Variants in RPH3A observed in about 807,000 individuals in gnomAD.
RPH3A encodes rabphilin-3A.
Under a neutral mutation model 102.2 loss-of-function variants are expected in RPH3A, and 48 were observed. The observed-to-expected ratio is 0.47, with a 90% confidence interval of 0.37 to 0.60. The LOEUF (loss-of-function observed/expected upper bound fraction) is 0.60. RPH3A is among the 20% of genes least tolerant of loss of function. RPH3A has a pLI of 0.00. For synonymous variants in RPH3A, 310 were observed against 324.3 expected (o/e 0.96, Z 0.47); for missense variants, 781 against 910.1 (o/e 0.86, Z 1.83).
chr12:112,728,872 C>T (rs1036979591), intron 1 of RPH3A, among the ~76,000 whole-genome samples: 4 of 152,074 alleles, frequency 2.6e-5, no homozygotes, highest in African/African-American at 9.7e-5. Flanking sequence ...ATACTAGAAG[C>T]AAGGGGAGAA....
At chr12:112,843,565 A>G (rs1433175017) in intron 4 of RPH3A, among the ~76,000 whole-genome samples, 2 of 152,188 alleles carry the variant, frequency 1.3e-5, no homozygotes, top group Non-Finnish European at 2.9e-5. Flanking sequence ...TCCTGTGCAC[A>G]GTAACACCGG....
chr12:112,874,693 T>A, intron 10 of RPH3A: 1 of 175,010 alleles, frequency 5.7e-6, no homozygotes, highest in Non-Finnish European at 1.2e-5. Context: ...GAGTCTTTAG[T>A]ACATGCCAAG....
chr12:112,834,395 G>A (rs554225864), intron 3 of RPH3A, among the ~76,000 whole-genome samples: 2 of 152,290 alleles, frequency 1.3e-5, no homozygotes, highest in East Asian at 3.9e-4. Flanking sequence ...ATGGACCATG[G>A]GTTTGGGCTA....
chr12:112,876,733 G>A lies in RPH3A; in HGVS notation c.1038G>A (p.Glu346=), dbSNP rs2042808103. The change falls in exon 13 of 22, where the codon GAG becomes GAA. Residue 346 remains glutamate (E), a synonymous_variant. Transcript: ENST00000389385. Reference sequence around the variant, plus strand: ...GCTACCCAGCAGTTGGAGCCAGAGAGGACCGAATGAGCCACCCCTCCGGAC... The same window carrying A: ...GCTACCCAGCAGTTGGAGCCAGAGAAGACCGAATGAGCCACCCCTCCGGAC... ...VGGYPAVGAR[E]DRMSHPSGPY... 1 of 1,613,262 alleles carries A rather than the reference G, an allele frequency of 6.2e-7. No individual in the cohort carries two copies. Among genetic ancestry groups the A allele is most frequent in the Admixed American group, 1.7e-5 (1 of 59,914 alleles).
chr12:112,863,705 T>C (rs1241776393), intron 5 of RPH3A, among the ~76,000 whole-genome samples: 2 of 152,242 alleles, frequency 1.3e-5, no homozygotes, highest in Admixed American at 6.5e-5. Flanking sequence ...TCTTCACCTG[T>C]AAAATGGCAT....
At chr12:112,839,972 G>T (rs952981791) in intron 4 of RPH3A, among the ~76,000 whole-genome samples, 14 of 152,062 alleles carry the variant, frequency 9.2e-5, no homozygotes, top group African/African-American at 3.4e-4. Context: ...CTGGGCAACC[G>T]AGTGAGACAC....
chr12:112,830,309 T>A (rs557619383), intron 3 of RPH3A, among the ~76,000 whole-genome samples: 1 of 152,290 alleles, frequency 6.6e-6, no homozygotes, highest in South Asian at 2.1e-4. Flanking sequence ...GAGGTATATT[T>A]AAAAATTTCT....
intron 1 of RPH3A, among the ~76,000 whole-genome samples, chr12:112,587,470 C>G (rs1260193419): frequency 6.6e-6 from 1 of 152,094 alleles, no homozygotes; most frequent in African/African-American, 2.4e-5. Context: ...CCTCTCTAAG[C>G]CTTAGAGTTA....
chr12:112,733,869 G>C (rs2040650596), intron 1 of RPH3A, among the ~76,000 whole-genome samples: 1 of 152,150 alleles, frequency 6.6e-6, no homozygotes, highest in Non-Finnish European at 1.5e-5. Flanking sequence ...ATAATTTCTA[G>C]CAAAGAATAG....
rs115380318 is a variant in RPH3A at position 112,706,401 on chromosome 12, G to T, written c.-139-85742G>T. On this transcript the variant is annotated intron_variant, in intron 1 of 21. Transcript: ENST00000543106. ...AGCCCCAGTCGCCCACACAGAACAG[G>T]TTCAAGGATGCACTCTTCAATGTCT... 2.5e-3 allele frequency among the ~76,000 whole-genome samples: 382 copies of T among 152,178 alleles called. 4 individuals are homozygous for T. The highest frequency in any genetic ancestry group is 8.9e-3 in the African/African-American group (370 of 41,512).
intron 1 of RPH3A, among the ~76,000 whole-genome samples, chr12:112,581,241 C>T (rs550462456): frequency 5.9e-5 from 9 of 152,200 alleles, no homozygotes; most frequent in African/African-American, 2.2e-4. Context: ...CTCACAATCA[C>T]GGTGGAAGAG....
At chr12:112,693,269 T>C (rs116291752) in intron 1 of RPH3A, among the ~76,000 whole-genome samples, 3,188 of 152,340 alleles carry the variant, frequency 0.021, 106 homozygotes, top group African/African-American at 0.069. Flanking sequence ...ATATTGGTTT[T>C]GACATCAGAA....
chr12:112,876,937 G>A (rs988562679), intron 13 of RPH3A, 71 bp downstream of exon 13: 30 of 1,228,424 alleles, frequency 2.4e-5, no homozygotes, highest in Non-Finnish European at 2.9e-5. Flanking sequence ...AAACAGGAAC[G>A]GCTCAGGAAC....
At chr12:112,860,777 C>A (rs896380963) in intron 5 of RPH3A, among the ~76,000 whole-genome samples, 2 of 152,150 alleles carry the variant, frequency 1.3e-5, no homozygotes, top group African/African-American at 4.8e-5. Flanking sequence ...TGTTCTGAGA[C>A]CCCCAATGGT....
At chr12:112,855,907 G>A (rs1593087543) in intron 5 of RPH3A, among the ~76,000 whole-genome samples, 1 of 152,058 alleles carries the variant, frequency 6.6e-6, no homozygotes, top group African/African-American at 2.4e-5. Flanking sequence ...GAGAGAGAGA[G>A]AGAAAGACAG....
intron 1 of RPH3A, among the ~76,000 whole-genome samples, chr12:112,687,097 G>A (rs1197098151): frequency 2.0e-5 from 3 of 152,334 alleles, no homozygotes; most frequent in Non-Finnish European, 4.4e-5. Context: ...CAGCCTGAGT[G>A]ACAGAGTGAG....
At chr12:112,795,780 T>C (rs570082330) in intron 2 of RPH3A, among the ~76,000 whole-genome samples, 1 of 152,306 alleles carries the variant, frequency 6.6e-6, no homozygotes, top group South Asian at 2.1e-4. Context: ...AATTTTCCCA[T>C]CTACAAAATG....
intron 1 of RPH3A, among the ~76,000 whole-genome samples, chr12:112,620,074 T>C (rs1204611182): frequency 6.6e-6 from 1 of 152,216 alleles, no homozygotes; most frequent in African/African-American, 2.4e-5. Flanking sequence ...TTGTGTGGGC[T>C]TCATTTACAG....
Position 112,887,956 on chromosome 12 carries a change from G to T in RPH3A, c.1563+33G>T, listed in dbSNP as rs1290948095. 5.0e-6 allele frequency: 8 copies of T among 1,608,496 alleles called. No homozygotes were observed. The African/African-American group carries it at 1.1e-4, about 21-fold the overall frequency. On this transcript the variant is annotated intron_variant, in intron 17 of 21. Coordinates refer to ENST00000389385, the MANE Select transcript of RPH3A (RefSeq NM_001143854.2). The stretch of plus-strand genomic sequence containing the variant: ...ACTTTACCCTGAGGATCTGATGGGA[G>T]GAGGGGAGATTGGGGGAGCTGCCTT...
Sources: allele counts gnomAD v4.1 joint callset (sites outside exome capture counted in the v4.1 genomes callset), GRCh38; gene constraint gnomAD v4.1.1; transcripts MANE v1.5; gene names NCBI Gene and HGNC (gene_info 2026-07-23, HGNC 2026-07-21).